UGGT1: variants seen among roughly 807,000 people sequenced by gnomAD.
UGGT1 encodes UDP-glucose:glycoprotein glucosyltransferase 1.
UGGT1 carries 107 observed loss-of-function variants against 203.9 expected under a neutral mutation model. That is an observed-to-expected ratio of 0.52 (90% confidence interval 0.45 to 0.62). The LOEUF (loss-of-function observed/expected upper bound fraction) is 0.62. Among genes scored for constraint, UGGT1 ranks in the 20% least tolerant of loss-of-function variants. The pLI is 0.00. For synonymous variants in UGGT1, 628 were observed against 653.5 expected (o/e 0.96, Z 0.59); for missense variants, 1,673 against 1,867.2 (o/e 0.90, Z 1.92).
In UGGT1 at chr2:128,170,295, A is replaced by G. The variant is rs374150825; in HGVS notation, c.2929A>G (p.Lys977Glu). 1.3e-5 allele frequency: 21 copies of G among 1,614,068 alleles called. No homozygotes were observed. The highest frequency in any genetic ancestry group is 1.6e-4 in the Middle Eastern group (1 of 6,082). Residue 977 changes from lysine (K) to glutamate (E), a missense_variant, in exon 27 of 41, where the codon AAA (lysine) becomes GAA (glutamate). Physicochemically the swap from Lys to Glu is moderately conservative, Grantham distance 56. This residue lies in a region of UGGT1 where 1,073 missense variants were observed against 1,078.7 expected (regional missense o/e 0.99). Coordinates refer to ENST00000259253, the MANE Select transcript of UGGT1 (RefSeq NM_020120.4). ...QFFEDRHSAI[K>E]LRPKEGETYF... is the part of the protein sequence containing the mutation. ...ATCCTTGTGATCTTTCAGTGCAATC[A>G]AACTGAGGCCGAAGGAAGGGGAGAC...
intron 21 of UGGT1, 92 bp downstream of exon 21, chr2:128,156,507 A>G (rs1573587411): frequency 1.0e-6 from 1 of 997,076 alleles, no homozygotes; most frequent in East Asian, 2.5e-5. Context: ...ACTTAATTGT[A>G]CTGTTTCCGG....
At chr2:128,145,714 T>C in intron 17 of UGGT1, 89 bp from the exon 18 acceptor site, 1 of 1,158,780 alleles carries the variant, frequency 8.6e-7, no homozygotes, top group South Asian at 2.4e-5. Flanking sequence ...TGATTGTTGT[T>C]AGAACAGGCA....
rs1170742702 is a variant in UGGT1 at position 128,164,811 on chromosome 2, T to C, written c.2907T>C (p.Phe969=). ...KGDPRIEYQF[F]EDRHSAIKLR... is the part of the protein sequence containing the mutation. Reference sequence around the variant, plus strand: ...ATCCAAGAATCGAGTACCAGTTTTTTGAAGACAGACACAGGTATAGAATTA... The same window carrying C: ...ATCCAAGAATCGAGTACCAGTTTTTCGAAGACAGACACAGGTATAGAATTA... The change falls in exon 26 of 41, where the codon TTT becomes TTC. Residue 969 remains phenylalanine (F), a synonymous_variant. Transcript: ENST00000259253. 2 of 1,606,914 alleles carry C rather than the reference T, an allele frequency of 1.2e-6. No individual in the cohort carries two copies.
rs1692167194 is a variant in UGGT1, at chr2:128,189,831, G to A, written c.*89G>A. 9 of 1,482,250 alleles carry A rather than the reference G, an allele frequency of 6.1e-6. No individual in the cohort carries two copies. In the South Asian group the frequency reaches 8.4e-5, roughly 14 times the overall value. 91.8% of individuals were successfully genotyped at this position (1,482,250 alleles called of 1,614,324 possible). A position where few individuals can be genotyped will look rare whatever the true frequency, so the allele number is the denominator to read the frequency against. On this transcript the variant is annotated 3_prime_UTR_variant, in exon 41 of 41. Coordinates refer to ENST00000259253, the MANE Select transcript of UGGT1 (RefSeq NM_020120.4). Reference sequence around the variant, plus strand: ...TTTCTGATCTGTCTATACAACTGCTGATAAGCCGGCTGGGCAGGAGTGCCA... The same window carrying A: ...TTTCTGATCTGTCTATACAACTGCTAATAAGCCGGCTGGGCAGGAGTGCCA...
intron 13 of UGGT1, 130 bp downstream of exon 13, chr2:128,129,309 C>T (rs1360653363): frequency 9.1e-7 from 1 of 1,098,474 alleles, no homozygotes; most frequent in African/African-American, 1.6e-5. Context: ...TTTATAATTG[C>T]TTATATGGGA....
At chr2:128,129,301 T>C in intron 13 of UGGT1, 122 bp downstream of exon 13, 1 of 1,166,336 alleles carries the variant, frequency 8.6e-7, no homozygotes, top group Non-Finnish European at 1.2e-6. Context: ...GTGAAAGATT[T>C]ATAATTGCTT....
chr2:128,151,467 G>A (rs1022086516), intron 18 of UGGT1, among the ~76,000 whole-genome samples: 1 of 152,040 alleles, frequency 6.6e-6, no homozygotes, highest in African/African-American at 2.4e-5. Context: ...TTGTATACAT[G>A]GGCCAACATG....
At chr2:128,123,119 A>G in intron 10 of UGGT1, 67 bp from the exon 11 acceptor site, 4 of 1,270,058 alleles carry the variant, frequency 3.1e-6, no homozygotes, top group Non-Finnish European at 3.3e-6. Context: ...CATATTTTAA[A>G]ATATGGAAAT....
rs199586741 is a variant in UGGT1 at position 128,184,183 on chromosome 2, G to C, written c.4359+394G>C. Among the ~76,000 whole-genome samples, 24 of 152,250 alleles carry C rather than the reference G, an allele frequency of 1.6e-4. No homozygotes were observed. The East Asian group carries it at 4.4e-3, about 28-fold the overall frequency. ...TCAGGATTCGTAGTATAGAATCACAGTATAGTATCACAGCTTCCCCTTTTT... is the reference window on the plus strand; with the variant it reads ...TCAGGATTCGTAGTATAGAATCACACTATAGTATCACAGCTTCCCCTTTTT... On this transcript the variant is annotated intron_variant, in intron 38 of 40. Coordinates refer to ENST00000259253, the MANE Select transcript of UGGT1 (RefSeq NM_020120.4).
At chr2:128,103,659 G>T (rs887200047) in intron 2 of UGGT1, among the ~76,000 whole-genome samples, 2 of 151,844 alleles carry the variant, frequency 1.3e-5, no homozygotes, top group African/African-American at 4.8e-5. Context: ...TTTATATTGA[G>T]ACTTCCCTTT....
chr2:128,143,816 G>A lies in UGGT1; in HGVS notation c.1851+591G>A, dbSNP rs547807663. 4.0e-5 allele frequency among the ~76,000 whole-genome samples: 6 copies of A among 151,888 alleles called. No homozygotes were observed. In the East Asian group the frequency reaches 1.2e-3, roughly 29 times the overall value. On this transcript the variant is annotated intron_variant, in intron 17 of 40. Coordinates refer to ENST00000259253, the MANE Select transcript of UGGT1 (RefSeq NM_020120.4). ...ATCCCAGAAGTCCTAACAATCTAAT[G>A]ACTAATGAGATTTTTTTTTTTTTTA...
At chr2:128,164,882 C>CT in intron 26 of UGGT1, 57 bp downstream of exon 26, 5 of 1,317,018 alleles carry the variant, frequency 3.8e-6, no homozygotes, top group Non-Finnish European at 5.2e-6. Flanking sequence ...CTTATGTTTG[C>CT]TTTACCTCAG....
intron 30 of UGGT1, 150 bp from the exon 31 acceptor site, chr2:128,174,623 A>G: frequency 1.4e-6 from 1 of 692,080 alleles, no homozygotes; most frequent in Non-Finnish European, 2.4e-6. Context: ...TTTAATGTGT[A>G]GTTTTGGTTT....
rs1402467171 is a variant in UGGT1, at chr2:128,164,822, A to G, written c.2918A>G (p.His973Arg). ...RIEYQFFEDRHSAIKLRPKEG... is the reference protein window; with the variant it reads ...RIEYQFFEDRRSAIKLRPKEG... ...GAGTACCAGTTTTTTGAAGACAGAC[A>G]CAGGTATAGAATTAATGTTGAATTT... is the stretch of plus-strand genomic sequence containing the variant. Residue 973 changes from histidine (H) to arginine (R), a missense_variant, in exon 26 of 41, where the codon CAC becomes CGC. Around this residue, in one of 4 missense-constraint regions of UGGT1, gnomAD observed 1,073 missense variants for 1,078.7 expected, o/e 0.99. Coordinates refer to ENST00000259253, the MANE Select transcript of UGGT1 (RefSeq NM_020120.4). The G allele has an allele frequency of 6.2e-7, 1 of 1,604,040 alleles. No individual in the cohort carries two copies. The highest frequency in any genetic ancestry group is 8.5e-7 in the Non-Finnish European group (1 of 1,176,420).
rs547837510 is a variant in UGGT1 at position 128,141,445 on chromosome 2, AT to A, written c.1720-1647del. Among the ~76,000 whole-genome samples the A allele has an allele frequency of 3.2e-3, 481 of 152,164 alleles. 1 individual carries two copies. The highest frequency in any genetic ancestry group is 0.014 in the Middle Eastern group (4 of 294). ...ACAGTGAAACCTGTCTCTATTAAAA[AT>A]TAAAAAAAATTAAATGGGCGTGGTG... On this transcript the variant is annotated intron_variant, in intron 16 of 40. Transcript: ENST00000259253.
At position 128,133,129 on chromosome 2, in the gene UGGT1, TA is replaced by T; in HGVS notation, c.1378-11del. On this transcript the variant is annotated splice_polypyrimidine_tract_variant and intron_variant, in intron 13 of 40. Transcript: ENST00000259253. ...CTAATGTGCATGTATCCTGTTGTGT[TA>T]TTTTTTGTAGTGGGTCAACAACCTG... The T allele has an allele frequency of 6.2e-7, 1 of 1,613,688 alleles. No individual in the cohort carries two copies. The highest frequency in any genetic ancestry group is 8.5e-7 in the Non-Finnish European group (1 of 1,179,670).
At chr2:128,152,310 G>A (rs1399384980) in intron 18 of UGGT1, among the ~76,000 whole-genome samples, 3 of 152,104 alleles carry the variant, frequency 2.0e-5, no homozygotes, top group Non-Finnish European at 2.9e-5. Context: ...TGGGATTACC[G>A]GCACCTGCCA....
chr2:128,151,532 C>G (rs1365529963), intron 18 of UGGT1, among the ~76,000 whole-genome samples: 1 of 152,160 alleles, frequency 6.6e-6, no homozygotes, highest in Non-Finnish European at 1.5e-5. Flanking sequence ...GGTTCATATG[C>G]TCCTTATTAA....
intron 35 of UGGT1, among the ~76,000 whole-genome samples, chr2:128,180,221 A>T (rs990303967): frequency 1.3e-5 from 2 of 152,218 alleles, no homozygotes; most frequent in African/African-American, 4.8e-5. Flanking sequence ...GTTAGCATGA[A>T]CCACTCCTAG....
Sources: allele counts gnomAD v4.1 joint callset (sites outside exome capture counted in the v4.1 genomes callset), GRCh38; gene constraint gnomAD v4.1.1; regional missense constraint gnomAD v4.1.1; transcripts MANE v1.5; gene names NCBI Gene and HGNC (gene_info 2026-07-23, HGNC 2026-07-21).